UNC93B1: variants seen among roughly 807,000 people sequenced by gnomAD.
The protein encoded by UNC93B1 is protein unc-93 homolog B1.
A neutral mutation model predicts 56.8 loss-of-function variants in UNC93B1; 33 were observed. That is an observed-to-expected ratio of 0.58 (90% CI 0.44 to 0.78). The LOEUF (loss-of-function observed/expected upper bound fraction) is 0.78, where lower values mean the gene tolerates loss of function less well. Ranked by LOEUF, UNC93B1 falls within the 30% of genes least tolerant of loss-of-function variation. UNC93B1 has a pLI of 0.00. For synonymous variants in UNC93B1, 334 were observed against 358.6 expected, an observed-to-expected ratio of 0.93 and a Z score of 0.77; for missense variants, 673 against 819.5, an observed-to-expected ratio of 0.82 and a Z score of 2.18.
intron 10 of UNC93B1, 109 bp from the exon 11 acceptor site, chr11:67,991,966 G>T: frequency 3.3e-6 from 4 of 1,200,820 alleles, no homozygotes; most frequent in Non-Finnish European, 4.5e-6. Context: ...GAGCCTCCCG[G>T]GCCACGCGGC....
At chr11:67,999,055 C>A in intron 5 of UNC93B1, 118 bp downstream of exon 5, 1 of 1,459,308 alleles carries the variant, frequency 6.9e-7, no homozygotes, top group Non-Finnish European at 9.2e-7. Context: ...TGAGACCAGG[C>A]CTCTTAAAAA....
rs774008177 is a variant in UNC93B1, at chr11:68,004,093, C to T, written c.-50G>A. ...GCGGTCGCCCCGGAGTCCCTGCGAC[C>T]GCCCGGCCACTTCCTCCCGGCGGCC... On this transcript the variant is annotated 5_prime_UTR_variant, in exon 1 of 11. Coordinates refer to ENST00000227471, the MANE Select transcript of UNC93B1 (RefSeq NM_030930.4). The T allele has an allele frequency of 2.8e-5, 36 of 1,268,484 alleles. No homozygotes were observed. In the East Asian group the frequency reaches 7.7e-4, roughly 27 times the overall value. The allele number at this position is 1,268,484 out of a possible 1,614,324, so 78.6% of individuals were successfully genotyped here.
intron 10 of UNC93B1, 146 bp from the exon 11 acceptor site, chr11:67,992,003 A>G: frequency 1.1e-6 from 1 of 928,790 alleles, no homozygotes; most frequent in Non-Finnish European, 1.6e-6. Flanking sequence ...CCCTCCACCC[A>G]TGCTTCCTGG....
In UNC93B1 at chr11:67,998,438, G is replaced by A. The variant is rs772974041; in HGVS notation, c.702C>T (p.Cys234=). The change falls in exon 6 of 11, where the codon TGC becomes TGT. Residue 234 remains cysteine (C), a synonymous_variant. Transcript: ENST00000227471. ...GGAAATAAATCATGGGCAGCTGGGC[G>A]CAGGCGAAGCTCAGCTGCAGAAACA... is the stretch of plus-strand genomic sequence containing the variant. The part of the protein sequence containing the change: ...FYSFFHLSFA[C]AQLPMIYFLN... 15 of 1,613,792 alleles carry A rather than the reference G, an allele frequency of 9.3e-6. No individual in the cohort carries two copies. Among genetic ancestry groups the A allele is most frequent in the South Asian group, 4.4e-5 (4 of 91,092 alleles).
chr11:67,999,448 G>T, intron 4 of UNC93B1, 71 bp downstream of exon 4: 1 of 1,544,920 alleles, frequency 6.5e-7, no homozygotes, highest in Non-Finnish European at 8.7e-7. Context: ...TGGTCCCCCA[G>T]CCAAAGTTGG....
At chr11:68,002,023 C>T (rs778994279) in intron 3 of UNC93B1, among the ~76,000 whole-genome samples, 23 of 152,094 alleles carry the variant, frequency 1.5e-4, no homozygotes, top group Non-Finnish European at 2.5e-4. Context: ...CCTGTAATCC[C>T]AGCTACTCAG....
intron 3 of UNC93B1, among the ~76,000 whole-genome samples, chr11:68,001,186 C>T (rs1213106441): frequency 6.6e-6 from 1 of 151,698 alleles, no homozygotes; most frequent in Non-Finnish European, 1.5e-5. Flanking sequence ...TAGAGTGAGA[C>T]TCCATTTCAA....
At chr11:67,992,708 A>T (rs1225373603) in intron 10 of UNC93B1, among the ~76,000 whole-genome samples, 3 of 131,108 alleles carry the variant, frequency 2.3e-5, no homozygotes, top group Non-Finnish European at 4.6e-5. Context: ...TCTGTCCTCC[A>T]GGCTGAAGTG....
At chr11:68,001,904 G>A (rs2134366407) in intron 3 of UNC93B1, among the ~76,000 whole-genome samples, 2 of 152,206 alleles carry the variant, frequency 1.3e-5, no homozygotes, top group Middle Eastern at 3.4e-3. Flanking sequence ...AGCACTTTGG[G>A]AGGCCAAGGC....
intron 4 of UNC93B1, 38 bp from the exon 5 acceptor site, chr11:67,999,343 C>T (rs915037814): frequency 6.3e-7 from 1 of 1,585,080 alleles, no homozygotes; most frequent in Non-Finnish European, 8.6e-7. Flanking sequence ...CCCAGCCCGA[C>T]CTGTGCCACT....
intron 3 of UNC93B1, among the ~76,000 whole-genome samples, chr11:68,001,582 G>T (rs1024287030): frequency 6.6e-6 from 1 of 152,044 alleles, no homozygotes; most frequent in African/African-American, 2.4e-5. Flanking sequence ...CCAGTGTGTG[G>T]GGGTTGAGGA....
Position 67,997,745 on chromosome 11 carries a change from A to G in UNC93B1, c.836T>C (p.Leu279Pro), listed in dbSNP as rs1296152341. 1 of 1,610,082 alleles carries G rather than the reference A, an allele frequency of 6.2e-7. No individual in the cohort carries two copies. The highest frequency in any genetic ancestry group is 1.7e-5 in the Admixed American group (1 of 60,000). ...SGFNKTVLRT[L>P]PRSGNLIVVE... ...CACAATGAGGTTTCCGCTCCGCGGG[A>G]GCGTCCGCAGAACCGTCTTGTTGAA... is the stretch of plus-strand genomic sequence containing the variant. The change falls in exon 7 of 11, where the codon CTC (leucine) becomes CCC (proline). Residue 279 changes from leucine (L) to proline (P), a missense_variant. This residue lies in a region of UNC93B1 where 438 missense variants were observed against 465.9 expected (regional missense o/e 0.94). Transcript: ENST00000227471.
rs756981042 is a variant in UNC93B1, at chr11:67,997,797, T to C, written c.784A>G (p.Thr262Ala). 1.2e-6 allele frequency: 2 copies of C among 1,606,670 alleles called. No individual in the cohort carries two copies. Among genetic ancestry groups the C allele is most frequent in the South Asian group, 2.2e-5 (2 of 90,672 alleles). The change falls in exon 7 of 11, where the codon ACC (threonine) becomes GCC (alanine). Residue 262 changes from threonine (T) to alanine (A), a missense_variant and splice_region_variant. By Grantham distance (58) the Thr-to-Ala change is moderately conservative. Coordinates refer to ENST00000227471, the MANE Select transcript of UNC93B1 (RefSeq NM_030930.4). ...HTLYNVQSCG[T>A]NSHGILSGFN... The stretch of plus-strand genomic sequence containing the variant: ...CCGCTGAGGATCCCGTGGCTGTTGG[T>C]GCCTGGGAAGGGTGGGGGTGAGGGC...
Position 67,999,168 on chromosome 11 carries a change from C to A in UNC93B1, c.687+5G>T, listed in dbSNP as rs773845407. The A allele has an allele frequency of 6.2e-7, 1 of 1,613,880 alleles. No individual in the cohort carries two copies. The highest frequency in any genetic ancestry group is 1.1e-5 in the South Asian group (1 of 91,092). On this transcript the variant is annotated splice_donor_5th_base_variant and intron_variant, in intron 5 of 10. Coordinates refer to ENST00000227471, the MANE Select transcript of UNC93B1 (RefSeq NM_030930.4). ...CCACCCAACAATGGCCCACGTGGCA[C>A]TCACATGGAAGAAGCTGTAGAAGAT...
Position 67,999,570 on chromosome 11 carries a change from A to G in UNC93B1, c.503T>C (p.Leu168Pro). The G allele has an allele frequency of 6.3e-7, 1 of 1,583,912 alleles. No homozygotes were observed. Among genetic ancestry groups the G allele is most frequent in the South Asian group, 1.2e-5 (1 of 86,612 alleles). The change falls in exon 4 of 11, where the codon CTG (leucine) becomes CCG (proline). Residue 168 changes from leucine to proline, a missense_variant. Leu to Pro is a moderately conservative substitution (Grantham distance 98, BLOSUM62 -3). Around this residue, in one of 3 missense-constraint regions of UNC93B1, gnomAD observed 438 missense variants for 465.9 expected, o/e 0.94. Coordinates refer to ENST00000227471, the MANE Select transcript of UNC93B1 (RefSeq NM_030930.4). ...CCAAAGAGGCACGATGGCCATGCCCAGGGCCACAGCCGAGGGCACAAGCGT... is the reference window on the plus strand; with the variant it reads ...CCAAAGAGGCACGATGGCCATGCCCGGGGCCACAGCCGAGGGCACAAGCGT... ...YYTLVPSAVALGMAIVPLWAS... is the reference protein window; with the variant it reads ...YYTLVPSAVAPGMAIVPLWAS...
intron 10 of UNC93B1, among the ~76,000 whole-genome samples, 194 bp from the exon 11 acceptor site, chr11:67,992,051 C>G (rs1467023841): frequency 1.3e-5 from 2 of 152,272 alleles, no homozygotes; most frequent in African/African-American, 2.4e-5. Flanking sequence ...CCAGCACTGT[C>G]CCTTACAGTC....
intron 5 of UNC93B1, 43 bp downstream of exon 5, chr11:67,999,130 G>A: frequency 1.9e-6 from 3 of 1,611,388 alleles, no homozygotes; most frequent in Non-Finnish European, 2.5e-6. Context: ...TCCAATGCGT[G>A]GGTCTGCCCC....
At chr11:68,000,591 G>A (rs1857030036) in intron 3 of UNC93B1, among the ~76,000 whole-genome samples, 1 of 152,162 alleles carries the variant, frequency 6.6e-6, no homozygotes, top group Non-Finnish European at 1.5e-5. Context: ...CTTGAACCCA[G>A]GAGGTGGAGG....
At chr11:67,994,657 A>T (rs2375167) in intron 9 of UNC93B1, among the ~76,000 whole-genome samples, 1 of 152,082 alleles carries the variant, frequency 6.6e-6, no homozygotes, top group Admixed American at 6.5e-5. Flanking sequence ...CCCAGGCTGG[A>T]CTCTGCCCAG....
Sources: gnomAD v4.1 joint callset for allele counts (sites outside exome capture counted in the v4.1 genomes callset) on GRCh38, gnomAD v4.1.1 for gene constraint, gnomAD v4.1.1 regional missense constraint, MANE v1.5 for transcripts, NCBI Gene and HGNC (gene_info 2026-07-23, HGNC 2026-07-21) for gene names.